The following SMIM36 variants were observed in gnomAD, a reference collection of about 807,000 sequenced individuals.
SMIM36 encodes the protein small integral membrane protein 36.
At chr17:55,519,545 A>T in the SMIM36 span, among the ~76,000 whole-genome samples, 1 of 152,200 alleles carries the variant, frequency 6.6e-6, no homozygotes, top group African/African-American at 2.4e-5. Flanking sequence ...GACAAGATGT[A>T]GGGAAGACCA....
intron 3 of SMIM36, among the ~76,000 whole-genome samples, chr17:55,470,956 G>A (rs1275425698): frequency 3.3e-5 from 5 of 152,146 alleles, no homozygotes; most frequent in African/African-American, 4.8e-5. Context: ...AACTGGACAA[G>A]TCTTACAGGT....
chr17:55,524,488 A>G, the SMIM36 span, among the ~76,000 whole-genome samples: 1 of 152,174 alleles, frequency 6.6e-6, no homozygotes, highest in African/African-American at 2.4e-5. Context: ...TCTTTGAGGA[A>G]TCACCACACT....
chr17:55,492,002 A>G (rs988419720), intron 1 of SMIM36, among the ~76,000 whole-genome samples: 6 of 151,766 alleles, frequency 4.0e-5, no homozygotes, highest in African/African-American at 1.5e-4. Context: ...TACTAAAAAC[A>G]CAAAAAATTA....
At chr17:55,490,889 T>G (rs1909691059) in intron 1 of SMIM36, among the ~76,000 whole-genome samples, 1 of 152,072 alleles carries the variant, frequency 6.6e-6, no homozygotes, top group Non-Finnish European at 1.5e-5. Context: ...TTTCCATTTT[T>G]TTTTTTTCTC....
At chr17:55,461,654 A>G (rs1598447521) in intron 4 of SMIM36, among the ~76,000 whole-genome samples, 1 of 152,358 alleles carries the variant, frequency 6.6e-6, no homozygotes, top group East Asian at 1.9e-4. Context: ...TAAATTATTT[A>G]TGTATAAATT....
intron 3 of SMIM36, chr17:55,477,117 C>T (rs1909439087): frequency 6.6e-6 from 1 of 152,202 alleles, no homozygotes; most frequent in Non-Finnish European, 1.5e-5. Context: ...AGGGTTGAGG[C>T]TGCAGTGAGC....
chr17:55,460,447 C>CA (rs749476257), intron 4 of SMIM36, among the ~76,000 whole-genome samples: 18 of 66,098 alleles, frequency 2.7e-4, no homozygotes, highest in Non-Finnish European at 4.0e-4. Context: ...AAACAAAAAA[C>CA]AAAACAAAAA....
chr17:55,510,722 C>T (rs1910165668), intron 1 of SMIM36, among the ~76,000 whole-genome samples, 157 bp downstream of exon 1: 1 of 152,014 alleles, frequency 6.6e-6, no homozygotes, highest in Non-Finnish European at 1.5e-5. Flanking sequence ...CACACACACA[C>T]ACACAATATT....
intron 1 of SMIM36, among the ~76,000 whole-genome samples, chr17:55,481,690 T>A (rs1909523693): frequency 6.6e-6 from 1 of 152,178 alleles, no homozygotes; most frequent in Admixed American, 6.6e-5. Context: ...TTGGAAAGCA[T>A]CATAATTATT....
At chr17:55,483,799 A>G (rs1909560452) in intron 1 of SMIM36, among the ~76,000 whole-genome samples, 1 of 151,978 alleles carries the variant, frequency 6.6e-6, no homozygotes, top group African/African-American at 2.4e-5. Context: ...TAATTTTTGT[A>G]TTTTGAGTAG....
At chr17:55,529,216 T>C in the SMIM36 span, among the ~76,000 whole-genome samples, 11 of 152,214 alleles carry the variant, frequency 7.2e-5, no homozygotes, top group African/African-American at 2.2e-4. Flanking sequence ...GAGATATTCA[T>C]ACAGAGACAA....
At chr17:55,498,871 C>A (rs1909857629) in intron 1 of SMIM36, among the ~76,000 whole-genome samples, 1 of 151,630 alleles carries the variant, frequency 6.6e-6, no homozygotes, top group South Asian at 2.1e-4. Flanking sequence ...TGGTGGCATG[C>A]ACTTGTAATC....
At chr17:55,500,120 A>T (rs1909881438) in intron 1 of SMIM36, among the ~76,000 whole-genome samples, 1 of 151,244 alleles carries the variant, frequency 6.6e-6, no homozygotes, top group Non-Finnish European at 1.5e-5. Flanking sequence ...GCTGGTAATT[A>T]AAAAAAATTT....
At chr17:55,504,941 C>T (rs1202772907) in intron 1 of SMIM36, among the ~76,000 whole-genome samples, 1 of 77,418 alleles carries the variant, frequency 1.3e-5, no homozygotes, top group Non-Finnish European at 2.2e-5. Context: ...GAGAATACTA[C>T]AAACACCTCT....
chr17:55,460,452 C>CAA (rs1370109853), intron 4 of SMIM36, among the ~76,000 whole-genome samples: 3 of 148,082 alleles, frequency 2.0e-5, no homozygotes, highest in Non-Finnish European at 3.0e-5. Context: ...AAAAACAAAA[C>CAA]AAAAAAAAAG....
intron 1 of SMIM36, among the ~76,000 whole-genome samples, chr17:55,500,558 G>A (rs1294770870): frequency 1.3e-5 from 2 of 151,218 alleles, no homozygotes; most frequent in Non-Finnish European, 2.9e-5. Context: ...ATGAACCAGA[G>A]GCTTGGAATA....
chr17:55,529,001 C>T, the SMIM36 span, among the ~76,000 whole-genome samples: 1 of 152,238 alleles, frequency 6.6e-6, no homozygotes, highest in Non-Finnish European at 1.5e-5. Context: ...CTGCCACAAA[C>T]TGCCTGTGTG....
At chr17:55,515,100 T>TTTG (rs1297018731), upstream of SMIM36, among the ~76,000 whole-genome samples, 1 of 139,604 alleles carries the variant, frequency 7.2e-6, no homozygotes, top group Non-Finnish European at 1.5e-5. Context: ...TTTTTTTTTT[T>TTTG]TTTTTTTTTT....
At chr17:55,491,805 G>A (rs943805628) in intron 1 of SMIM36, among the ~76,000 whole-genome samples, 1 of 152,158 alleles carries the variant, frequency 6.6e-6, no homozygotes, top group Admixed American at 6.5e-5. Flanking sequence ...CAATATTAGT[G>A]GCATGTTGGA....
Sources: allele counts gnomAD v4.1 joint callset (sites outside exome capture counted in the v4.1 genomes callset), GRCh38; gene constraint gnomAD v4.1.1; transcripts MANE v1.5; gene names NCBI Gene and HGNC (gene_info 2026-07-23, HGNC 2026-07-21).